Variants in VAV3 observed in about 807,000 individuals in gnomAD.
VAV3 encodes vav guanine nucleotide exchange factor 3.
A neutral mutation model predicts 131.2 loss-of-function variants in VAV3; 94 were observed. The observed-to-expected ratio is 0.72, with a 90% CI of 0.61 to 0.85. The LOEUF is 0.85. Among genes scored for constraint, VAV3 ranks in the 40% least tolerant of loss-of-function variants. The pLI is 0.00. For synonymous variants in VAV3, 349 were observed against 342.0 expected (o/e 1.02, Z -0.22); for missense variants, 939 against 1,002.7 (o/e 0.94, Z 0.86).
At chr1:107,914,814 G>C (rs1672534237) in intron 1 of VAV3, among the ~76,000 whole-genome samples, 1 of 152,168 alleles carries the variant, frequency 6.6e-6, no homozygotes, top group Non-Finnish European at 1.5e-5. Flanking sequence ...AGAAAAACAA[G>C]ATTTGGTCCT....
intron 2 of VAV3, among the ~76,000 whole-genome samples, chr1:107,811,361 T>A (rs1667308100): frequency 6.6e-6 from 1 of 152,102 alleles, no homozygotes; most frequent in African/African-American, 2.4e-5. Context: ...TGACTGGCAA[T>A]CTGCAAAGTG....
At chr1:107,736,355 A>C (rs4517374) in intron 15 of VAV3, among the ~76,000 whole-genome samples, 145,078 of 152,120 alleles carry the variant, frequency 0.95, 69,575 homozygotes, top group East Asian at 1. Context: ...AAGTTCTGGC[A>C]AGGGCAATCA....
chr1:107,657,963 G>A (rs1656700856), intron 19 of VAV3, among the ~76,000 whole-genome samples: 2 of 152,174 alleles, frequency 1.3e-5, no homozygotes, highest in Admixed American at 1.3e-4. Flanking sequence ...AATCTGCAAT[G>A]TAGGTTTTAG....
At chr1:107,693,043 G>A (rs549977836) in intron 17 of VAV3, among the ~76,000 whole-genome samples, 94 of 152,202 alleles carry the variant, frequency 6.2e-4, no homozygotes, top group Non-Finnish European at 7.4e-4. Context: ...AGACCTTCGC[G>A]GTGGTGTACT....
chr1:107,739,235 C>T (rs1662862684), intron 15 of VAV3, among the ~76,000 whole-genome samples: 1 of 152,150 alleles, frequency 6.6e-6, no homozygotes, highest in African/African-American at 2.4e-5. Flanking sequence ...TAGGCAATAA[C>T]AAAACAAGAA....
chr1:107,696,296 T>C (rs538267381), intron 17 of VAV3, among the ~76,000 whole-genome samples: 34 of 152,350 alleles, frequency 2.2e-4, no homozygotes, highest in Non-Finnish European at 3.2e-4. Context: ...TTTCTTTGTG[T>C]TGGGAATATT....
intron 1 of VAV3, among the ~76,000 whole-genome samples, chr1:107,922,792 A>G (rs1178102185): frequency 6.6e-6 from 1 of 151,866 alleles, no homozygotes; most frequent in Non-Finnish European, 1.5e-5. Flanking sequence ...CTCTACTAAA[A>G]ATACAAAAAA....
intron 20 of VAV3, 22 bp from the exon 21 acceptor site, chr1:107,617,654 C>G: frequency 6.3e-7 from 1 of 1,599,650 alleles, no homozygotes; most frequent in Non-Finnish European, 8.6e-7. Flanking sequence ...AAAAAAATGC[C>G]AGTGTTGAGA....
chr1:107,776,409 G>A (rs550554932), intron 4 of VAV3, among the ~76,000 whole-genome samples: 1 of 152,278 alleles, frequency 6.6e-6, no homozygotes, highest in East Asian at 1.9e-4. Flanking sequence ...CAATGTAAGG[G>A]GGTGGTGGCA....
chr1:107,603,408 T>C (rs1048000822), intron 22 of VAV3, among the ~76,000 whole-genome samples: 3 of 151,944 alleles, frequency 2.0e-5, no homozygotes, highest in Admixed American at 1.3e-4. Context: ...ACCTAGTAAA[T>C]AAATGGGACA....
At chr1:107,778,664 G>A (rs1208163435) in intron 3 of VAV3, among the ~76,000 whole-genome samples, 1 of 152,086 alleles carries the variant, frequency 6.6e-6, no homozygotes, top group Non-Finnish European at 1.5e-5. Context: ...AATGTGAGCT[G>A]GACACAGAAA....
chr1:107,964,884 G>C lies in VAV3; in HGVS notation c.-15C>G. ...CACGGCTCCATGCCCGACGGCTCCGGGACGCGGCTGGGCCGGGGCGGGCGG... is the reference window on the plus strand; with the variant it reads ...CACGGCTCCATGCCCGACGGCTCCGCGACGCGGCTGGGCCGGGGCGGGCGG... On this transcript the variant is annotated 5_prime_UTR_variant, in exon 1 of 27. Transcript: ENST00000370056. 6.6e-7 allele frequency: 1 copy of C among 1,504,492 alleles called. No homozygotes were observed. The highest frequency in any genetic ancestry group is 8.9e-7 in the Non-Finnish European group (1 of 1,118,926). 93.2% of individuals were successfully genotyped at this position (1,504,492 alleles called of 1,614,324 possible). A position where few individuals can be genotyped will look rare whatever the true frequency, so the allele number is the denominator to read the frequency against.
At chr1:107,862,782 A>G (rs1026542818) in intron 2 of VAV3, 1 of 145,108 alleles carries the variant, frequency 6.9e-6, no homozygotes, top group Non-Finnish European at 1.6e-5. Flanking sequence ...TGCATTAGTG[A>G]GCATATATGT....
At chr1:107,827,530 T>C (rs1478587412) in intron 2 of VAV3, among the ~76,000 whole-genome samples, 1 of 152,154 alleles carries the variant, frequency 6.6e-6, no homozygotes, top group East Asian at 1.9e-4. Flanking sequence ...GAGAGAAAAC[T>C]CTAGGAAGTA....
chr1:107,604,644 G>C (rs542508627), intron 22 of VAV3, among the ~76,000 whole-genome samples: 2 of 152,074 alleles, frequency 1.3e-5, no homozygotes, highest in Admixed American at 1.3e-4. Context: ...GGTCTTCTCT[G>C]ACCATACCAT....
At chr1:107,810,539 T>G (rs1039762278) in intron 2 of VAV3, among the ~76,000 whole-genome samples, 9 of 152,124 alleles carry the variant, frequency 5.9e-5, no homozygotes, top group African/African-American at 1.9e-4. Context: ...TCACAAAAAT[T>G]TATAAAACAT....
At position 107,794,007 on chromosome 1, in the gene VAV3, A is replaced by T. The variant is rs1192386521; in HGVS notation, c.322-14515T>A. Among the ~76,000 whole-genome samples, 4 of 152,384 alleles carry T rather than the reference A, an allele frequency of 2.6e-5. No individual in the cohort carries two copies. The East Asian group carries it at 7.7e-4, about 29-fold the overall frequency. ...ACTTTAGAAAATCTGATCTGACTCTAGTTAATTACTGCGCAGAAGGCGCTT... is the reference window on the plus strand; with the variant it reads ...ACTTTAGAAAATCTGATCTGACTCTTGTTAATTACTGCGCAGAAGGCGCTT... On this transcript the variant is annotated intron_variant, in intron 2 of 26. Coordinates refer to ENST00000370056, the MANE Select transcript of VAV3 (RefSeq NM_006113.5).
At chr1:107,591,756 T>C (rs977257653) in intron 25 of VAV3, among the ~76,000 whole-genome samples, 2 of 152,196 alleles carry the variant, frequency 1.3e-5, no homozygotes, top group Non-Finnish European at 2.9e-5. Flanking sequence ...TTTATGATGT[T>C]TGCTTTATCA....
chr1:107,712,873 C>T (rs894151671), intron 15 of VAV3, among the ~76,000 whole-genome samples: 5 of 152,116 alleles, frequency 3.3e-5, no homozygotes, highest in East Asian at 1.9e-4. Context: ...AAACTTGAAA[C>T]GTAAATTATG....
Sources: gnomAD v4.1 joint callset for allele counts (sites outside exome capture counted in the v4.1 genomes callset) on GRCh38, gnomAD v4.1.1 for gene constraint, MANE v1.5 for transcripts, NCBI Gene and HGNC (gene_info 2026-07-23, HGNC 2026-07-21) for gene names.